Variants in GRIN2D observed in about 807,000 individuals in gnomAD.
GRIN2D encodes glutamate receptor ionotropic, NMDA 2D.
Under a neutral mutation model 103.2 loss-of-function variants are expected in GRIN2D, and 37 were observed. The ratio of observed to expected loss-of-function variants is 0.36; its 90% CI spans 0.28 to 0.47. GRIN2D has a LOEUF of 0.47. GRIN2D is among the 20% of genes least tolerant of loss of function. GRIN2D has a pLI of 1.00. For synonymous variants in GRIN2D, 845 were observed against 885.6 expected (o/e 0.95, Z 0.81); for missense variants, 1,557 against 1,910.6 (o/e 0.81, Z 3.45).
At chr19:48,425,893 A>C (rs1971079823) in intron 11 of GRIN2D, among the ~76,000 whole-genome samples, 1 of 152,144 alleles carries the variant, frequency 6.6e-6, no homozygotes, top group African/African-American at 2.4e-5. Context: ...GGTCCAGATT[A>C]AGGTATGGTG....
At chr19:48,431,195 G>T (rs960124946) in intron 11 of GRIN2D, among the ~76,000 whole-genome samples, 9 of 152,136 alleles carry the variant, frequency 5.9e-5, no homozygotes, top group African/African-American at 2.2e-4. Flanking sequence ...CCGCCATCTT[G>T]GGATCACCTT....
At chr19:48,399,741 T>C (rs1970686056) in intron 3 of GRIN2D, among the ~76,000 whole-genome samples, 1 of 94,408 alleles carries the variant, frequency 1.1e-5, no homozygotes, top group Non-Finnish European at 1.9e-5. Context: ...ATCTTCTAAG[T>C]GGAAGTCGGA....
At chr19:48,402,094 G>C (rs1970716518) in intron 3 of GRIN2D, among the ~76,000 whole-genome samples, 1 of 145,108 alleles carries the variant, frequency 6.9e-6, no homozygotes, top group African/African-American at 2.7e-5. Flanking sequence ...AGCGAAACTT[G>C]AAAGAAAGAG....
In GRIN2D at chr19:48,442,451, A is replaced by T; in HGVS notation, c.2673+69A>T. 6.4e-7 allele frequency: 1 copy of T among 1,553,860 alleles called. No individual in the cohort carries two copies. Among genetic ancestry groups the T allele is most frequent in the Non-Finnish European group, 8.7e-7 (1 of 1,144,072 alleles). The stretch of plus-strand genomic sequence containing the variant: ...CGGGGACAAAGGTAAAGCCGAGCAG[A>T]GACAAGGAGATGTGGGTCGAGATGT... On this transcript the variant is annotated intron_variant, in intron 13 of 13. Coordinates refer to ENST00000263269, the MANE Select transcript of GRIN2D (RefSeq NM_000836.4). The surrounding 1 kb of genome is among the most constrained non-coding windows in gnomAD (Gnocchi z 7.2).
chr19:48,422,863 G>A (rs959348692), intron 11 of GRIN2D, among the ~76,000 whole-genome samples: 11 of 152,052 alleles, frequency 7.2e-5, no homozygotes, highest in African/African-American at 2.4e-4. Flanking sequence ...AGGCGGAGAC[G>A]GGCAGATCAC....
rs1239651282 is a variant in GRIN2D at position 48,442,468 on chromosome 19, T to A, written c.2673+86T>A. 1.5e-5 allele frequency: 23 copies of A among 1,538,060 alleles called. No individual in the cohort carries two copies. In the East Asian group the frequency reaches 5.2e-4, roughly 35 times the overall value. The stretch of plus-strand genomic sequence containing the variant: ...CCGAGCAGAGACAAGGAGATGTGGG[T>A]CGAGATGTGGATAGTGGGGAAGAGA... On this transcript the variant is annotated intron_variant, in intron 13 of 13. Coordinates refer to ENST00000263269, the MANE Select transcript of GRIN2D (RefSeq NM_000836.4). This position sits in a 1 kb window ranked among gnomAD's most constrained non-coding sequence, Gnocchi z 7.2.
Position 48,442,520 on chromosome 19 carries a change from G to T in GRIN2D, c.2674-80G>T. 6.7e-7 allele frequency: 1 copy of T among 1,485,742 alleles called. No individual in the cohort carries two copies. Among genetic ancestry groups the T allele is most frequent in the South Asian group, 1.3e-5 (1 of 75,936 alleles). The allele number at this position is 1,485,742 out of a possible 1,614,324, so 92.0% of individuals were successfully genotyped here. On this transcript the variant is annotated intron_variant, in intron 13 of 13. Coordinates refer to ENST00000263269, the MANE Select transcript of GRIN2D (RefSeq NM_000836.4). The surrounding 1 kb of genome is among the most constrained non-coding windows in gnomAD (Gnocchi z 7.2). The stretch of plus-strand genomic sequence containing the variant: ...CGGGAAACACAGGCGGGTAAATGGA[G>T]AGGAGAGAGGGACTGAGGGGAGGCG...
At chr19:48,408,333 C>CAA (rs35238683) in intron 4 of GRIN2D, among the ~76,000 whole-genome samples, 21 of 95,628 alleles carry the variant, frequency 2.2e-4, no homozygotes, top group East Asian at 6.2e-4. Context: ...GACTCCATCT[C>CAA]AAAAAAAAAA....
At position 48,394,682 on chromosome 19, in the gene GRIN2D, G is replaced by A. The variant is rs185196525; in HGVS notation, c.-281G>A. Among the ~76,000 whole-genome samples the A allele has an allele frequency of 1.1e-4, 16 of 152,304 alleles. No individual in the cohort carries two copies. In the East Asian group the frequency reaches 2.7e-3, roughly 26 times the overall value. On this transcript the variant is annotated 5_prime_UTR_variant, in exon 2 of 14. Coordinates refer to ENST00000263269, the MANE Select transcript of GRIN2D (RefSeq NM_000836.4). The surrounding 1 kb of genome is among the most constrained non-coding windows in gnomAD (Gnocchi z 5.1). ...GAGCAACATGTGTAGCCACGTCCTC[G>A]CCTAGTCCAGGTGGCCGCAACCTTG...
Position 48,443,624 on chromosome 19 carries a change from C to A in GRIN2D, c.3698C>A (p.Pro1233Gln). The A allele has an allele frequency of 9.2e-7, 1 of 1,081,246 alleles. No individual in the cohort carries two copies. Among genetic ancestry groups the A allele is most frequent in the African/African-American group, 1.7e-5 (1 of 58,828 alleles). 67.0% of individuals were successfully genotyped at this position (1,081,246 alleles called of 1,614,324 possible). ...CGCTGCGGGTGCCCGCGGTCGCACC[C>A]GCACCGCCCGCGGGCCTCGCACCGC... ...RARCGCPRSH[P>Q]HRPRASHRTP... Residue 1233 changes from proline (P) to glutamine (Q), a missense_variant, in exon 14 of 14, where the codon CCG becomes CAG. Pro to Gln is a moderately conservative substitution (Grantham distance 76, BLOSUM62 -1). Around this residue, in one of 7 missense-constraint regions of GRIN2D, gnomAD observed 632 missense variants for 572.8 expected, o/e 1.10. Transcript: ENST00000263269. This position sits in a 1 kb window ranked among gnomAD's most constrained non-coding sequence, Gnocchi z 8.9.
Position 48,441,826 on chromosome 19 carries a change from C to T in GRIN2D, c.2310C>T (p.Asp770=), listed in dbSNP as rs760246735. The T allele has an allele frequency of 1.5e-5, 25 of 1,613,872 alleles. No individual in the cohort carries two copies. Among genetic ancestry groups the T allele is most frequent in the Non-Finnish European group, 1.9e-5 (23 of 1,180,002 alleles). The change falls in exon 12 of 14, where the codon GAC becomes GAT. Residue 770 remains aspartate, a synonymous_variant. Transcript: ENST00000263269. ...AAVLNYMARK[D]EGCKLVTIGS... ...TGCTCAATTACATGGCCCGCAAGGA[C>T]GAGGGCTGCAAGCTTGTCACCATCG...
intron 2 of GRIN2D, among the ~76,000 whole-genome samples, chr19:48,396,115 G>T (rs1043298625): frequency 6.6e-6 from 1 of 152,108 alleles, no homozygotes; most frequent in African/African-American, 2.4e-5. Context: ...ATGAGTGTTG[G>T]GGACTTTAGC....
chr19:48,433,105 C>T (rs904111344), intron 11 of GRIN2D, among the ~76,000 whole-genome samples: 29 of 146,698 alleles, frequency 2.0e-4, no homozygotes, highest in Middle Eastern at 3.4e-3. Flanking sequence ...CAATGGCTCA[C>T]ACCTGTAATC....
intron 4 of GRIN2D, among the ~76,000 whole-genome samples, chr19:48,411,114 A>C (rs1305442684): frequency 6.6e-6 from 1 of 152,034 alleles, no homozygotes; most frequent in Non-Finnish European, 1.5e-5. Context: ...AGGTCAAAGC[A>C]AGTAGATCAT....
In GRIN2D at chr19:48,421,303, C is replaced by T. The variant is rs1282502537; in HGVS notation, c.2092-482C>T. Among the ~76,000 whole-genome samples, 8 of 152,034 alleles carry T rather than the reference C, an allele frequency of 5.3e-5. No individual in the cohort carries two copies. On this transcript the variant is annotated intron_variant, in intron 10 of 13. Transcript: ENST00000263269. This position sits in a 1 kb window ranked among gnomAD's most constrained non-coding sequence, Gnocchi z 4.8. Reference sequence around the variant, plus strand: ...ACTGGCTGGGCATGGTGGTATGTGCCTGTAATCCCAGCTACTCGGGAGGCT... The same window carrying T: ...ACTGGCTGGGCATGGTGGTATGTGCTTGTAATCCCAGCTACTCGGGAGGCT...
intron 11 of GRIN2D, among the ~76,000 whole-genome samples, chr19:48,426,195 CTTCT>C (rs1431465260): frequency 1.4e-5 from 2 of 143,152 alleles, no homozygotes; most frequent in African/African-American, 5.5e-5. Flanking sequence ...TTTCTTTTCT[CTTCT>C]TTCTTTTTCT....
At position 48,437,258 on chromosome 19, in the gene GRIN2D, T is replaced by C. The variant is rs149185839; in HGVS notation, c.2253-4511T>C. Among the ~76,000 whole-genome samples, 162 of 152,204 alleles carry C rather than the reference T, an allele frequency of 1.1e-3. 1 individual carries two copies. The highest frequency in any genetic ancestry group is 3.4e-3 in the African/African-American group (140 of 41,514). ...ACCTCAGCCTCCCAAGTAGCTGAGATGACAGGCATGCACCACCAAACCCGG... is the reference window on the plus strand; with the variant it reads ...ACCTCAGCCTCCCAAGTAGCTGAGACGACAGGCATGCACCACCAAACCCGG... On this transcript the variant is annotated intron_variant, in intron 11 of 13. Coordinates refer to ENST00000263269, the MANE Select transcript of GRIN2D (RefSeq NM_000836.4).
intron 3 of GRIN2D, among the ~76,000 whole-genome samples, chr19:48,402,588 G>T (rs1404685993): frequency 6.6e-6 from 1 of 151,122 alleles, no homozygotes; most frequent in Non-Finnish European, 1.5e-5. Context: ...GCAGTGGCGG[G>T]CGCCTGTAGT....
intron 11 of GRIN2D, among the ~76,000 whole-genome samples, chr19:48,433,507 G>A (rs1055290675): frequency 3.9e-5 from 6 of 152,234 alleles, no homozygotes; most frequent in African/African-American, 1.4e-4. Flanking sequence ...GCAGCTCCCA[G>A]GGCTCTGGCC....
Sources: gnomAD v4.1 joint callset for allele counts (sites outside exome capture counted in the v4.1 genomes callset) on GRCh38, gnomAD v4.1.1 for gene constraint, gnomAD v4.1.1 regional missense constraint, Gnocchi (gnomAD v3.1) non-coding constraint, MANE v1.5 for transcripts, NCBI Gene and HGNC (gene_info 2026-07-23, HGNC 2026-07-21) for gene names.